NCOR1: variants seen among roughly 807,000 people sequenced by gnomAD.
The protein encoded by NCOR1 is nuclear receptor corepressor 1.
Under a neutral mutation model 288.1 loss-of-function variants are expected in NCOR1, and 63 were observed. That is an observed-to-expected ratio of 0.22 (90% CI 0.18 to 0.27). The LOEUF is 0.27. Ranked by LOEUF, NCOR1 falls within the 10% of genes least tolerant of loss-of-function variation. The pLI is 1.00. For missense variants in NCOR1, 2,397 were observed against 3,019.2 expected (o/e 0.79, Z 4.83); for synonymous variants, 1,007 against 1,065.9 (o/e 0.94, Z 1.08).
intron 4 of NCOR1, among the ~76,000 whole-genome samples, chr17:16,166,484 G>C (rs2082023862): frequency 6.6e-6 from 1 of 152,060 alleles, no homozygotes; most frequent in Non-Finnish European, 1.5e-5. Flanking sequence ...TTCCAGACCA[G>C]CCTAACCAAC....
rs1972075131 is a variant in NCOR1, at chr17:16,031,902, T to C, written c.*394A>G. The C allele has an allele frequency of 2.5e-5, 6 of 238,302 alleles. No homozygotes were observed. The highest frequency in any genetic ancestry group is 1.2e-3 in the Middle Eastern group (1 of 838). 14.8% of individuals were successfully genotyped at this position (238,302 alleles called of 1,614,324 possible). A position where few individuals can be genotyped will look rare whatever the true frequency, so the allele number is the denominator to read the frequency against. ...AAAATCACCCCCAAAGTTGATGCGC[T>C]GATTTGAACATAAGTACACCAGATA... On this transcript the variant is annotated 3_prime_UTR_variant, in exon 46 of 46. Coordinates refer to ENST00000268712, the MANE Select transcript of NCOR1 (RefSeq NM_006311.4).
intron 40 of NCOR1, among the ~76,000 whole-genome samples, chr17:16,052,312 C>T (rs980626390): frequency 4.6e-5 from 7 of 151,966 alleles, no homozygotes; most frequent in Admixed American, 2.0e-4. Flanking sequence ...GCATGAGCCA[C>T]GGCACCCGGC....
At chr17:16,214,991 G>A (rs1174268234) in intron 1 of NCOR1, among the ~76,000 whole-genome samples, 1 of 152,354 alleles carries the variant, frequency 6.6e-6, no homozygotes, top group East Asian at 1.9e-4. Context: ...AGTGAGCCCA[G>A]GCCCGCCACC....
intron 21 of NCOR1, among the ~76,000 whole-genome samples, chr17:16,093,511 T>C (rs2065775704): frequency 6.6e-6 from 1 of 152,162 alleles, no homozygotes; most frequent in African/African-American, 2.4e-5. Context: ...AGATGTTTTG[T>C]CCAATACTTA....
intron 1 of NCOR1, among the ~76,000 whole-genome samples, 187 bp from the exon 2 acceptor site, chr17:16,194,826 A>C (rs2089405660): frequency 1.3e-5 from 2 of 152,262 alleles, no homozygotes; most frequent in Non-Finnish European, 2.9e-5. Flanking sequence ...TATACTTAAA[A>C]TAGGTTAATA....
chr17:16,211,323 T>C (rs1180407376), intron 1 of NCOR1, among the ~76,000 whole-genome samples: 1 of 151,978 alleles, frequency 6.6e-6, no homozygotes, highest in East Asian at 1.9e-4. Flanking sequence ...TGCACTGGCA[T>C]GATCATGGCT....
intron 3 of NCOR1, among the ~76,000 whole-genome samples, chr17:16,177,598 G>A (rs2084476966): frequency 6.6e-6 from 1 of 152,206 alleles, no homozygotes; most frequent in East Asian, 1.9e-4. Context: ...ATGGCCCGAG[G>A]GAACATGTAA....
Position 16,208,093 on chromosome 17 carries a change from T to C in NCOR1, c.-71+7269A>G, listed in dbSNP as rs1004376241. On this transcript the variant is annotated intron_variant, in intron 1 of 45. Transcript: ENST00000268712. Reference sequence around the variant, plus strand: ...GTCTCGCTCTGTCGCTAGGCTGGAATGTAGTGGCGCAATCTCGGTTCACTG... The same window carrying C: ...GTCTCGCTCTGTCGCTAGGCTGGAACGTAGTGGCGCAATCTCGGTTCACTG... Among the ~76,000 whole-genome samples, 19 of 134,160 alleles carry C rather than the reference T, an allele frequency of 1.4e-4. No homozygotes were observed. In the Admixed American group the frequency reaches 1.6e-3, roughly 12 times the overall value. 88.0% of individuals were successfully genotyped at this position (134,160 alleles called of 152,430 possible).
chr17:16,064,614 CA>C (rs142023994), intron 34 of NCOR1, among the ~76,000 whole-genome samples: 33 of 142,660 alleles, frequency 2.3e-4, no homozygotes, highest in Non-Finnish European at 4.0e-4. Flanking sequence ...AAAACAAAAA[CA>C]AAAAAAAAAC....
At position 16,165,146 on chromosome 17, in the gene NCOR1, C is replaced by T. The variant is rs367758096; in HGVS notation, c.451G>A (p.Gly151Ser). 3.1e-5 allele frequency: 49 copies of T among 1,595,948 alleles called. No homozygotes were observed. The African/African-American group carries it at 6.1e-4, about 20-fold the overall frequency. Reference sequence around the variant, plus strand: ...GGAGAGGATGGAGCTTCATGTTTGCCTCCGAATGCTGGATCCTTTAGAGAA... The same window carrying T: ...GGAGAGGATGGAGCTTCATGTTTGCTTCCGAATGCTGGATCCTTTAGAGAA... The part of the protein sequence containing the change: ...ADAKKDPAFG[G>S]KHEAPSSPIS... Residue 151 changes from glycine (G) to serine (S), a missense_variant, in exon 5 of 46, where the codon GGC becomes AGC. Physicochemically the swap from Gly to Ser is moderately conservative, Grantham distance 56. This residue lies in a region of NCOR1 where 110 missense variants were observed against 123.2 expected (regional missense o/e 0.89). Coordinates refer to ENST00000268712, the MANE Select transcript of NCOR1 (RefSeq NM_006311.4).
At position 16,208,206 on chromosome 17, in the gene NCOR1, A is replaced by ATTTTTTTT. The variant is rs757019446; in HGVS notation, c.-71+7148_-71+7155dup. 4.0e-3 allele frequency among the ~76,000 whole-genome samples: 259 copies of ATTTTTTTT among 65,540 alleles called. 2 individuals are homozygous for ATTTTTTTT. The highest frequency in any genetic ancestry group is 7.3e-3 in the African/African-American group (119 of 16,394). 43.0% of individuals were successfully genotyped at this position (65,540 alleles called of 152,430 possible). ...CAGGCGCGTGCCACCATGCCCAGCT[A>ATTTTTTTT]TTTTTTTTTTTTTTTTTTTTTTTTT... On this transcript the variant is annotated intron_variant, in intron 1 of 45. Transcript: ENST00000268712.
chr17:16,144,961 C>CGGAA (rs2077667288), intron 10 of NCOR1, among the ~76,000 whole-genome samples: 1 of 152,200 alleles, frequency 6.6e-6, no homozygotes, highest in African/African-American at 2.4e-5. Context: ...CCCTCTGTTG[C>CGGAA]GGAAGCTGGA....
Position 16,029,541 on chromosome 17 carries a change from G to C in NCOR1, c.*2755C>G, listed in dbSNP as rs926978211. 1.3e-5 allele frequency: 3 copies of C among 229,660 alleles called. No individual in the cohort carries two copies. The highest frequency in any genetic ancestry group is 2.3e-5 in the African/African-American group (1 of 43,000). The allele number at this position is 229,660 out of a possible 1,614,324, so 14.2% of individuals were successfully genotyped here. On this transcript the variant is annotated 3_prime_UTR_variant, in exon 46 of 46. Coordinates refer to ENST00000268712, the MANE Select transcript of NCOR1 (RefSeq NM_006311.4). The stretch of plus-strand genomic sequence containing the variant: ...GGCTGTCAGAATACTTTTATGAAGA[G>C]TATTAGGAAGACCTTAATTTAGTTC...
At chr17:16,063,720 C>T (rs2060795809) in intron 35 of NCOR1, among the ~76,000 whole-genome samples, 2 of 152,110 alleles carry the variant, frequency 1.3e-5, no homozygotes, top group South Asian at 4.2e-4. Context: ...TTTTCCATTC[C>T]TCCTCTAAAC....
Position 16,031,054 on chromosome 17 carries a change from A to G in NCOR1, c.*1242T>C, listed in dbSNP as rs151176987. On this transcript the variant is annotated 3_prime_UTR_variant, in exon 46 of 46. Coordinates refer to ENST00000268712, the MANE Select transcript of NCOR1 (RefSeq NM_006311.4). ...ATGAAAAAAACTTTAAAATTCAGCAAGCAATTCTTAATGAAAGATAAAACT... is the reference window on the plus strand; with the variant it reads ...ATGAAAAAAACTTTAAAATTCAGCAGGCAATTCTTAATGAAAGATAAAACT... The G allele has an allele frequency of 7.2e-4, 140 of 193,896 alleles. 2 individuals carry two copies. Among genetic ancestry groups the G allele is most frequent in the African/African-American group, 3.0e-3 (130 of 43,296 alleles). 12.0% of individuals were successfully genotyped at this position (193,896 alleles called of 1,614,324 possible).
chr17:16,159,000 T>A (rs2080273095), intron 5 of NCOR1, 127 bp from the exon 6 acceptor site: 1 of 523,256 alleles, frequency 1.9e-6, no homozygotes. Flanking sequence ...AATTAATCCA[T>A]GAAGGTCTCA....
At chr17:16,058,297 C>A in intron 38 of NCOR1, 174 bp downstream of exon 38, 1 of 947,662 alleles carries the variant, frequency 1.1e-6, no homozygotes, top group Admixed American at 3.1e-5. Flanking sequence ...AAACAATTTT[C>A]TGTATCATTA....
chr17:16,086,932 T>G (rs1029611675), intron 22 of NCOR1, among the ~76,000 whole-genome samples: 4 of 152,200 alleles, frequency 2.6e-5, no homozygotes, highest in African/African-American at 9.6e-5. Flanking sequence ...TACAAATTCA[T>G]GTACTCTTCT....
chr17:16,094,595 T>C (rs1215573021), intron 21 of NCOR1, among the ~76,000 whole-genome samples: 1 of 151,444 alleles, frequency 6.6e-6, no homozygotes, highest in Non-Finnish European at 1.5e-5. Context: ...CCCCTTTCCA[T>C]GGTCTCCCTC....
Sources: allele counts gnomAD v4.1 joint callset (sites outside exome capture counted in the v4.1 genomes callset), GRCh38; gene constraint gnomAD v4.1.1; regional missense constraint gnomAD v4.1.1; transcripts MANE v1.5; gene names NCBI Gene and HGNC (gene_info 2026-07-23, HGNC 2026-07-21).